The following KIF13B variants were observed in gnomAD, a reference collection of about 807,000 sequenced individuals.
KIF13B encodes the protein kinesin family member 13B.
Under a neutral mutation model 222.0 loss-of-function variants are expected in KIF13B, and 127 were observed. The observed-to-expected ratio is 0.57, with a 90% confidence interval of 0.50 to 0.66. The LOEUF is 0.66. KIF13B is among the 30% of genes least tolerant of loss of function. The pLI is 0.00. For missense variants in KIF13B, 2,173 were observed against 2,379.0 expected, an observed-to-expected ratio of 0.91 and a Z score of 1.80; for synonymous variants, 976 against 919.0, an observed-to-expected ratio of 1.06 and a Z score of -1.12.
chr8:29,190,676 C>T (rs1232389779), intron 4 of KIF13B: 1 of 290,818 alleles, frequency 3.4e-6, no homozygotes, highest in Non-Finnish European at 6.5e-6. Flanking sequence ...GTTCTAGAGG[C>T]CTGGACCTGC....
chr8:29,191,448 A>G (rs1489801550), intron 3 of KIF13B, among the ~76,000 whole-genome samples: 1 of 152,258 alleles, frequency 6.6e-6, no homozygotes, highest in South Asian at 2.1e-4. Flanking sequence ...GATGCTCACT[A>G]TAGCATGTCC....
At chr8:29,223,720 A>T (rs943261195) in intron 2 of KIF13B, among the ~76,000 whole-genome samples, 3 of 152,128 alleles carry the variant, frequency 2.0e-5, no homozygotes, top group Admixed American at 6.5e-5. Flanking sequence ...GAATTCTATC[A>T]ATTTTCTTTG....
At chr8:29,183,865 T>C (rs1426782914) in intron 6 of KIF13B, among the ~76,000 whole-genome samples, 1 of 152,124 alleles carries the variant, frequency 6.6e-6, no homozygotes, top group Non-Finnish European at 1.5e-5. Context: ...ACACATATAA[T>C]GAATGACTAG....
intron 37 of KIF13B, among the ~76,000 whole-genome samples, chr8:29,077,251 T>G (rs1030574297): frequency 1.3e-5 from 2 of 152,014 alleles, no homozygotes; most frequent in Non-Finnish European, 2.9e-5. Flanking sequence ...TCTGCGCCCC[T>G]CCCAGCACTC....
At chr8:29,234,685 G>GAA (rs199754355) in intron 2 of KIF13B, among the ~76,000 whole-genome samples, 114 of 106,138 alleles carry the variant, frequency 1.1e-3, no homozygotes, top group South Asian at 7.1e-3. Context: ...ACCACCAAAG[G>GAA]AAAAAAAAAA....
chr8:29,127,402 A>G (rs1810161943), intron 24 of KIF13B, 134 bp from the exon 25 acceptor site: 2 of 602,398 alleles, frequency 3.3e-6, no homozygotes, highest in Non-Finnish European at 5.4e-6. Flanking sequence ...ATTGTTAAGC[A>G]TTAAAATACA....
At chr8:29,153,262 A>G (rs755948171) in intron 14 of KIF13B, among the ~76,000 whole-genome samples, 1 of 152,224 alleles carries the variant, frequency 6.6e-6, no homozygotes, top group Admixed American at 6.5e-5. Context: ...ACAAAAACAA[A>G]TATGTCCAAT....
chr8:29,072,429 T>C, intron 38 of KIF13B, 113 bp from the exon 39 acceptor site: 1 of 610,962 alleles, frequency 1.6e-6, no homozygotes, highest in East Asian at 3.5e-5. Flanking sequence ...GCTCAGCCTG[T>C]AACCCCAGTG....
chr8:29,113,587 C>T, intron 31 of KIF13B, 32 bp from the exon 32 acceptor site: 2 of 1,337,402 alleles, frequency 1.5e-6, no homozygotes, highest in African/African-American at 2.9e-5. Context: ...GATATGGTTT[C>T]CCACCTGAAA....
intron 1 of KIF13B, among the ~76,000 whole-genome samples, chr8:29,256,841 G>A (rs189209689): frequency 1.4e-3 from 211 of 152,208 alleles, no homozygotes; most frequent in African/African-American, 4.8e-3. Context: ...TGCAACCTCC[G>A]CCTTCCAGGT....
At position 29,072,187 on chromosome 8, in the gene KIF13B, G is replaced by C; in HGVS notation, c.4651C>G (p.Pro1551Ala). 1 of 1,444,454 alleles carries C rather than the reference G, an allele frequency of 6.9e-7. No individual in the cohort carries two copies. The allele number at this position is 1,444,454 out of a possible 1,614,324, so 89.5% of individuals were successfully genotyped here. Residue 1551 changes from proline (P) to alanine (A), a missense_variant, in exon 39 of 40, where the codon CCG becomes GCG. Physicochemically the swap from Pro to Ala is conservative, Grantham distance 27 (BLOSUM62 -1). Transcript: ENST00000524189. ...CTGGGGGGCCCGTCCTGTGCCTCCG[G>C]AGCCGGGGTGACCGCTGTGACAGCT... ...VIAVTAVTPAPEAQDGPPSPL... is the reference protein window; with the variant it reads ...VIAVTAVTPAAEAQDGPPSPL...
chr8:29,217,024 G>A (rs569211730), intron 2 of KIF13B, among the ~76,000 whole-genome samples: 5 of 151,880 alleles, frequency 3.3e-5, no homozygotes, highest in Admixed American at 1.3e-4. Context: ...CTTATTCCTC[G>A]TTCCTCATGT....
chr8:29,120,001 A>G (rs1809782162), intron 29 of KIF13B, among the ~76,000 whole-genome samples: 1 of 152,204 alleles, frequency 6.6e-6, no homozygotes, highest in Non-Finnish European at 1.5e-5. Flanking sequence ...CAGATGTGTT[A>G]GGAATTTAAC....
chr8:29,072,186 G>T lies in KIF13B; in HGVS notation c.4652C>A (p.Pro1551Gln). ...VIAVTAVTPA[P>Q]EAQDGPPSPL... ...GCTGGGGGGCCCGTCCTGTGCCTCC[G>T]GAGCCGGGGTGACCGCTGTGACAGC... Residue 1551 changes from proline (P) to glutamine (Q), a missense_variant, in exon 39 of 40, where the codon CCG (proline) becomes CAG (glutamine). Pro to Gln is a moderately conservative substitution (Grantham distance 76). This residue lies in a region of KIF13B where 693 missense variants were observed against 656.2 expected (regional missense o/e 1.06). Transcript: ENST00000524189. 2.1e-6 allele frequency: 3 copies of T among 1,437,092 alleles called. No homozygotes were observed. The highest frequency in any genetic ancestry group is 2.8e-5 in the East Asian group (1 of 36,128). The allele number at this position is 1,437,092 out of a possible 1,614,324, so 89.0% of individuals were successfully genotyped here.
At chr8:29,217,381 A>T (rs1814533609) in intron 2 of KIF13B, among the ~76,000 whole-genome samples, 1 of 152,232 alleles carries the variant, frequency 6.6e-6, no homozygotes, top group Non-Finnish European at 1.5e-5. Flanking sequence ...TGTGAATCCC[A>T]GCCCCACCAC....
rs973931881 is a variant in KIF13B, at chr8:29,095,138, G to A, written c.4325-2260C>T. On this transcript the variant is annotated intron_variant, in intron 36 of 39. Transcript: ENST00000524189. ...CGATTGCTGAAAAACATCAATTTAC[G>A]GATCCAATAACTTGATAAGCAAGTT... is the stretch of plus-strand genomic sequence containing the variant. 5.9e-5 allele frequency among the ~76,000 whole-genome samples: 9 copies of A among 152,060 alleles called. 1 individual carries two copies. Among genetic ancestry groups the A allele is most frequent in the East Asian group, 1.9e-4 (1 of 5,200 alleles).
At chr8:29,240,110 G>T (rs1212174464) in intron 2 of KIF13B, among the ~76,000 whole-genome samples, 1 of 150,944 alleles carries the variant, frequency 6.6e-6, no homozygotes, top group Non-Finnish European at 1.5e-5. Flanking sequence ...AGCTAAGTGG[G>T]TGATATTATT....
intron 38 of KIF13B, among the ~76,000 whole-genome samples, chr8:29,073,649 T>C (rs1807419745): frequency 6.6e-6 from 1 of 152,244 alleles, no homozygotes; most frequent in African/African-American, 2.4e-5. Flanking sequence ...TCATTTTCCA[T>C]TTGAAATACG....
At position 29,071,064 on chromosome 8, in the gene KIF13B, G is replaced by C. The variant is rs11988407; in HGVS notation, c.5219-298C>G. Reference sequence around the variant, plus strand: ...TGGGGGCCCTGGGGAGTGCCTTGTGGAAGCATAGGTGCAGGCCAGCCACTA... The same window carrying C: ...TGGGGGCCCTGGGGAGTGCCTTGTGCAAGCATAGGTGCAGGCCAGCCACTA... On this transcript the variant is annotated intron_variant, in intron 39 of 39. Transcript: ENST00000524189. The surrounding 1 kb of genome is among the most constrained non-coding windows in gnomAD (Gnocchi z 4.9). Among the ~76,000 whole-genome samples, 2,600 of 152,276 alleles carry C rather than the reference G, an allele frequency of 0.017. 65 individuals are homozygous for C. Among genetic ancestry groups the C allele is most frequent in the African/African-American group, 0.059 (2,446 of 41,540 alleles).
Sources: gnomAD v4.1 joint callset for allele counts (sites outside exome capture counted in the v4.1 genomes callset) on GRCh38, gnomAD v4.1.1 for gene constraint, gnomAD v4.1.1 regional missense constraint, Gnocchi (gnomAD v3.1) non-coding constraint, MANE v1.5 for transcripts, NCBI Gene and HGNC (gene_info 2026-07-23, HGNC 2026-07-21) for gene names.